CDYL: variants seen among roughly 807,000 people sequenced by gnomAD.
CDYL encodes the protein chromodomain Y like, also known as chromodomain Y-like protein.
CDYL carries 8 observed loss-of-function variants against 47.3 expected under a neutral mutation model. The ratio of observed to expected loss-of-function variants is 0.17; its 90% CI spans 0.10 to 0.31. The LOEUF (loss-of-function observed/expected upper bound fraction) is 0.31. Among genes scored for constraint, CDYL ranks in the 10% least tolerant of loss-of-function variants. The pLI is 1.00. For synonymous variants in CDYL, 266 were observed against 265.0 expected (o/e 1.00, Z -0.04); for missense variants, 471 against 701.4 (o/e 0.67, Z 3.71).
intron 1 of CDYL, among the ~76,000 whole-genome samples, chr6:4,835,865 C>T (rs981489036): frequency 1.3e-5 from 2 of 152,162 alleles, no homozygotes; most frequent in East Asian, 1.9e-4. Flanking sequence ...ACTCCGTGGG[C>T]GCAGGACCCT....
intron 1 of CDYL, among the ~76,000 whole-genome samples, chr6:4,782,319 A>G (rs1053166805): frequency 7.2e-5 from 11 of 152,164 alleles, no homozygotes; most frequent in Non-Finnish European, 1.3e-4. Flanking sequence ...CCACAGCTCA[A>G]AATACTGCAA....
At chr6:4,894,464 A>G (rs185642738) in intron 2 of CDYL, among the ~76,000 whole-genome samples, 15 of 152,340 alleles carry the variant, frequency 9.8e-5, no homozygotes, top group Admixed American at 2.6e-4. Flanking sequence ...GGAAAAAGAA[A>G]AAAATCGGGA....
intron 1 of CDYL, among the ~76,000 whole-genome samples, chr6:4,715,233 AT>A (rs1486610940): frequency 6.6e-6 from 1 of 152,190 alleles, no homozygotes; most frequent in East Asian, 1.9e-4. Context: ...GACCTTTTGT[AT>A]AAGACGTCAG....
chr6:4,865,436 A>G (rs1761294496), intron 1 of CDYL, among the ~76,000 whole-genome samples: 2 of 152,316 alleles, frequency 1.3e-5, no homozygotes, highest in South Asian at 4.1e-4. Context: ...TTCCAGGTTT[A>G]TTCTCGCCAT....
intron 1 of CDYL, among the ~76,000 whole-genome samples, chr6:4,846,077 C>CT (rs1485092613): frequency 1.3e-5 from 2 of 151,242 alleles, no homozygotes; most frequent in Non-Finnish European, 2.9e-5. Flanking sequence ...GTCATTTGAT[C>CT]TAAATGAACA....
chr6:4,829,691 G>A (rs73364551), intron 1 of CDYL, among the ~76,000 whole-genome samples: 6,908 of 152,248 alleles, frequency 0.045, 528 homozygotes, highest in African/African-American at 0.16. Flanking sequence ...GTTTGTGGGT[G>A]TTAGTTTGTG....
intron 1 of CDYL, among the ~76,000 whole-genome samples, chr6:4,862,069 A>C (rs1257941848): frequency 6.6e-6 from 1 of 152,204 alleles, no homozygotes; most frequent in Non-Finnish European, 1.5e-5. Flanking sequence ...AAGAACTGTC[A>C]GACTCCTGGA....
intron 1 of CDYL, among the ~76,000 whole-genome samples, chr6:4,825,932 C>T (rs930357066): frequency 4.0e-5 from 6 of 151,644 alleles, no homozygotes; most frequent in African/African-American, 1.5e-4. Context: ...CTTGTTTCAG[C>T]TGTGAGACCA....
At chr6:4,849,397 C>G (rs1561668294) in intron 1 of CDYL, among the ~76,000 whole-genome samples, 1 of 152,130 alleles carries the variant, frequency 6.6e-6, no homozygotes, top group Non-Finnish European at 1.5e-5. Flanking sequence ...CTGACAAATG[C>G]AAGTGCTTTT....
chr6:4,894,834 C>CAT (rs1554105536), intron 2 of CDYL, among the ~76,000 whole-genome samples: 6 of 145,348 alleles, frequency 4.1e-5, no homozygotes, highest in East Asian at 4.1e-4. Context: ...CCACAAAAGT[C>CAT]GTGTGTGTGT....
At chr6:4,912,395 C>T (rs1277936799) in intron 2 of CDYL, among the ~76,000 whole-genome samples, 1 of 152,176 alleles carries the variant, frequency 6.6e-6, no homozygotes, top group African/African-American at 2.4e-5. Flanking sequence ...GGTCACTGTT[C>T]CCTGCAGTGG....
At chr6:4,939,286 G>GA (rs1758293185) in intron 4 of CDYL, among the ~76,000 whole-genome samples, 1 of 151,958 alleles carries the variant, frequency 6.6e-6, no homozygotes, top group African/African-American at 2.4e-5. Flanking sequence ...GTGGGTAGGG[G>GA]GGCTCTTTTT....
chr6:4,807,574 A>G (rs112849296), intron 1 of CDYL, among the ~76,000 whole-genome samples: 3,511 of 124,268 alleles, frequency 0.028, 153 homozygotes, highest in African/African-American at 0.097. Context: ...CCTTCTCTGT[A>G]TATCATTCAT....
Position 4,814,295 on chromosome 6 carries a change from T to C in CDYL, c.24+37488T>C, listed in dbSNP as rs910175869. Among the ~76,000 whole-genome samples the C allele has an allele frequency of 7.2e-5, 11 of 152,322 alleles. 2 individuals are homozygous for C. Among genetic ancestry groups the C allele is most frequent in the African/African-American group, 2.6e-4 (11 of 41,574 alleles). Reference sequence around the variant, plus strand: ...TGTAAGCAGCTATTTTTATGTTAGTTAATTATTTTAGAGTTGAAATCATGA... The same window carrying C: ...TGTAAGCAGCTATTTTTATGTTAGTCAATTATTTTAGAGTTGAAATCATGA... On this transcript the variant is annotated intron_variant, in intron 1 of 6. Transcript: ENST00000397588.
intron 1 of CDYL, among the ~76,000 whole-genome samples, chr6:4,868,090 G>T (rs552237012): frequency 6.6e-6 from 1 of 151,698 alleles, no homozygotes; most frequent in East Asian, 1.9e-4. Context: ...GTATTTTTCT[G>T]TTGCTGCTGC....
At chr6:4,936,503 A>C (rs956712206) in intron 3 of CDYL, among the ~76,000 whole-genome samples, 6 of 152,224 alleles carry the variant, frequency 3.9e-5, no homozygotes, top group African/African-American at 1.4e-4. Context: ...GCCCGGGGTC[A>C]CATAACAAAC....
intron 3 of CDYL, among the ~76,000 whole-genome samples, chr6:4,743,929 G>T (rs1421238840): frequency 1.3e-5 from 2 of 152,184 alleles, no homozygotes; most frequent in African/African-American, 4.8e-5. Context: ...AATACCTACA[G>T]GTGAGTGTGA....
At chr6:4,748,495 T>C (rs534606122) in intron 3 of CDYL, among the ~76,000 whole-genome samples, 60 of 151,960 alleles carry the variant, frequency 3.9e-4, no homozygotes, top group African/African-American at 1.4e-3. Flanking sequence ...TAGCAAGACT[T>C]GGAATAGGAG....
intron 1 of CDYL, among the ~76,000 whole-genome samples, chr6:4,813,590 TCTG>T (rs1195341471): frequency 6.6e-6 from 1 of 152,250 alleles, no homozygotes; most frequent in Non-Finnish European, 1.5e-5. Flanking sequence ...TGTGTAAATA[TCTG>T]CTGTGAGATT....
Sources: gnomAD v4.1 joint callset for allele counts (sites outside exome capture counted in the v4.1 genomes callset) on GRCh38, gnomAD v4.1.1 for gene constraint, MANE v1.5 for transcripts, NCBI Gene and HGNC (gene_info 2026-07-23, HGNC 2026-07-21) for gene names.